HOOK3: variants seen among roughly 807,000 people sequenced by gnomAD.
HOOK3 encodes the protein hook microtubule tethering protein 3, also known as protein Hook homolog 3.
In HOOK3, 24 loss-of-function variants were observed where a neutral mutation model predicts 116.3. That is an observed-to-expected ratio of 0.21 (90% CI 0.15 to 0.29). HOOK3 has a LOEUF of 0.29. Ranked by LOEUF, HOOK3 falls within the 10% of genes least tolerant of loss-of-function variation. The pLI, the probability that HOOK3 is intolerant of heterozygous loss-of-function variation, is 1.00. For missense variants in HOOK3, 632 were observed against 830.2 expected (o/e 0.76, Z 2.93); for synonymous variants, 275 against 283.0 (o/e 0.97, Z 0.28).
At chr8:43,014,285 GAA>G (rs1195987584) in intron 21 of HOOK3, among the ~76,000 whole-genome samples, 23 of 66,698 alleles carry the variant, frequency 3.4e-4, no homozygotes, top group African/African-American at 6.4e-4. Context: ...GACTGTCTCA[GAA>G]AAAAAAAAAA....
chr8:42,923,077 G>C (rs1056695340), intron 2 of HOOK3, among the ~76,000 whole-genome samples: 1 of 152,076 alleles, frequency 6.6e-6, no homozygotes, highest in Non-Finnish European at 1.5e-5. Flanking sequence ...TCCCAGAGAG[G>C]ATATACAATG....
chr8:42,973,426 T>C (rs1160427047), intron 12 of HOOK3, 27 bp downstream of exon 12: 21 of 1,449,432 alleles, frequency 1.4e-5, no homozygotes, highest in Non-Finnish European at 2.0e-5. Context: ...GGCATTTTGG[T>C]TTTGAGCACT....
chr8:42,999,068 A>C (rs148523523), intron 16 of HOOK3, among the ~76,000 whole-genome samples: 2,012 of 152,340 alleles, frequency 0.013, 48 homozygotes, highest in African/African-American at 0.046. Flanking sequence ...GGCATGTGGT[A>C]CATAGGAAGT....
chr8:42,914,503 A>G (rs977983995), intron 2 of HOOK3, among the ~76,000 whole-genome samples: 1 of 152,210 alleles, frequency 6.6e-6, no homozygotes, highest in Non-Finnish European at 1.5e-5. Context: ...TTGCTCTGGT[A>G]CCAAGATGCC....
intron 1 of HOOK3, among the ~76,000 whole-genome samples, chr8:42,905,946 G>A (rs1807297526): frequency 1.3e-5 from 2 of 151,994 alleles, no homozygotes; most frequent in Admixed American, 1.3e-4. Context: ...AATTAGCAGG[G>A]CGTGGTAGTG....
intron 8 of HOOK3, among the ~76,000 whole-genome samples, chr8:42,961,962 T>G (rs1485478522): frequency 6.6e-6 from 1 of 152,130 alleles, no homozygotes; most frequent in Non-Finnish European, 1.5e-5. Context: ...AATTCTTTTA[T>G]GTTTCGTAGA....
chr8:43,014,640 C>T (rs1349074984), intron 21 of HOOK3, among the ~76,000 whole-genome samples: 3 of 152,052 alleles, frequency 2.0e-5, no homozygotes, highest in Non-Finnish European at 4.4e-5. Flanking sequence ...TGAGCCACCG[C>T]ACCCAGCCCC....
intron 1 of HOOK3, chr8:42,897,410 C>G (rs1271106588): frequency 2.9e-6 from 1 of 347,416 alleles, no homozygotes; most frequent in African/African-American, 2.1e-5. Flanking sequence ...GGGCTGGGAA[C>G]GCGGCGGGCG....
At chr8:42,926,366 A>G (rs954696355) in intron 3 of HOOK3, among the ~76,000 whole-genome samples, 5 of 152,156 alleles carry the variant, frequency 3.3e-5, no homozygotes, top group South Asian at 4.1e-4. Flanking sequence ...GCTCACTGCA[A>G]CCTTTGCCTC....
At chr8:43,008,901 C>T (rs867590334) in intron 18 of HOOK3, among the ~76,000 whole-genome samples, 29 of 150,248 alleles carry the variant, frequency 1.9e-4, no homozygotes, top group African/African-American at 5.4e-4. Flanking sequence ...CCTCGTGATC[C>T]GCCCGCCTCG....
intron 2 of HOOK3, among the ~76,000 whole-genome samples, chr8:42,912,591 G>A (rs1459066286): frequency 2.0e-5 from 3 of 152,034 alleles, no homozygotes; most frequent in African/African-American, 7.3e-5. Context: ...TAAATTTTAT[G>A]TTGTGTACAT....
In HOOK3 at chr8:43,024,841, C is replaced by T. The variant is rs1809903160; in HGVS notation, c.*6343C>T. 4.9e-6 allele frequency: 1 copy of T among 205,986 alleles called. No homozygotes were observed. The allele number at this position is 205,986 out of a possible 1,614,324, so 12.8% of individuals were successfully genotyped here. On this transcript the variant is annotated 3_prime_UTR_variant, in exon 22 of 22. Coordinates refer to ENST00000307602, the MANE Select transcript of HOOK3 (RefSeq NM_032410.4). ...ATTTCCACCCAATCCCTCAAATTAC[C>T]GAAGTATTAATATTTAGCTTCCTTT...
At position 42,930,178 on chromosome 8, in the gene HOOK3, G is replaced by T. The variant is rs754582793; in HGVS notation, c.267+6G>T. 6 of 1,527,372 alleles carry T rather than the reference G, an allele frequency of 3.9e-6. No individual in the cohort carries two copies. In the East Asian group the frequency reaches 1.4e-4, roughly 36 times the overall value. 94.6% of individuals were successfully genotyped at this position (1,527,372 alleles called of 1,614,324 possible). A position where few individuals can be genotyped will look rare whatever the true frequency, so the allele number is the denominator to read the frequency against. On this transcript the variant is annotated splice_donor_region_variant and intron_variant, in intron 4 of 21. Coordinates refer to ENST00000307602, the MANE Select transcript of HOOK3 (RefSeq NM_032410.4). The stretch of plus-strand genomic sequence containing the variant: ...TCTTGGATTATAATCATGAGGTAAA[G>T]ACTTTTTTCTCATTCTGCTTAGAAG...
intron 15 of HOOK3, among the ~76,000 whole-genome samples, chr8:42,989,274 G>A (rs1031508562): frequency 6.6e-6 from 1 of 152,118 alleles, no homozygotes; most frequent in East Asian, 1.9e-4. Flanking sequence ...TATATATTCA[G>A]CAATTAGACT....
chr8:42,929,473 C>A (rs1170283783), intron 3 of HOOK3, among the ~76,000 whole-genome samples: 4 of 152,090 alleles, frequency 2.6e-5, no homozygotes, highest in Non-Finnish European at 5.9e-5. Flanking sequence ...ATATCACATA[C>A]CCATTTAACC....
chr8:42,974,232 T>C (rs1808777074), intron 13 of HOOK3, 38 bp downstream of exon 13: 1 of 1,458,364 alleles, frequency 6.9e-7, no homozygotes, highest in Admixed American at 1.7e-5. Flanking sequence ...GATGATTTCT[T>C]TTTTTTTTGA....
intron 1 of HOOK3, among the ~76,000 whole-genome samples, chr8:42,902,105 C>G (rs1336125068): frequency 6.6e-6 from 1 of 152,130 alleles, no homozygotes; most frequent in Non-Finnish European, 1.5e-5. Flanking sequence ...TCCAATCTTG[C>G]ATCCCTTCCC....
intron 18 of HOOK3, among the ~76,000 whole-genome samples, chr8:43,009,981 A>T (rs1002646288): frequency 6.6e-6 from 1 of 152,020 alleles, no homozygotes; most frequent in Non-Finnish European, 1.5e-5. Context: ...ATGTGTCATA[A>T]CTAAGGCTGA....
intron 19 of HOOK3, among the ~76,000 whole-genome samples, chr8:43,010,652 C>G (rs1216299313): frequency 6.6e-6 from 1 of 152,162 alleles, no homozygotes; most frequent in Non-Finnish European, 1.5e-5. Context: ...CACTTGCCAC[C>G]TTATTAGTCA....
Sources: allele counts gnomAD v4.1 joint callset (sites outside exome capture counted in the v4.1 genomes callset), GRCh38; gene constraint gnomAD v4.1.1; transcripts MANE v1.5; gene names NCBI Gene and HGNC (gene_info 2026-07-23, HGNC 2026-07-21).